STIM2: variants seen among roughly 807,000 people sequenced by gnomAD.
STIM2 encodes the protein stromal interaction molecule 2.
Under a neutral mutation model 85.8 loss-of-function variants are expected in STIM2, and 31 were observed. The ratio of observed to expected loss-of-function variants is 0.36; its 90% CI spans 0.27 to 0.49. The LOEUF (loss-of-function observed/expected upper bound fraction) is 0.49. Ranked by LOEUF, STIM2 falls within the 20% of genes least tolerant of loss-of-function variation. STIM2 has a pLI of 0.98. For missense variants in STIM2, 841 were observed against 927.6 expected (o/e 0.91, Z 1.21); for synonymous variants, 356 against 331.1 (o/e 1.08, Z -0.82).
At chr4:26,978,015 G>T (rs1727257143) in intron 3 of STIM2, among the ~76,000 whole-genome samples, 1 of 152,128 alleles carries the variant, frequency 6.6e-6, no homozygotes, top group Non-Finnish European at 1.5e-5. Context: ...TTGACAATTG[G>T]ATTGGCAAAG....
chr4:26,870,849 G>A (rs1035920864), intron 1 of STIM2, among the ~76,000 whole-genome samples: 3 of 151,808 alleles, frequency 2.0e-5, no homozygotes, highest in Non-Finnish European at 2.9e-5. Context: ...CAAAGATGGA[G>A]TTACTAATTT....
At chr4:27,008,314 G>T in intron 8 of STIM2, 114 bp from the exon 9 acceptor site, 1 of 574,916 alleles carries the variant, frequency 1.7e-6, no homozygotes, top group Non-Finnish European at 3.0e-6. Context: ...ATTCTCTACT[G>T]GTTTTATGAT....
intron 2 of STIM2, among the ~76,000 whole-genome samples, chr4:26,930,953 C>G (rs937406699): frequency 6.6e-6 from 1 of 152,082 alleles, no homozygotes; most frequent in African/African-American, 2.4e-5. Context: ...TCTTCTGGCT[C>G]TGGGTCTTTC....
chr4:27,009,099 A>G, intron 10 of STIM2, 97 bp downstream of exon 10: 1 of 1,084,356 alleles, frequency 9.2e-7, no homozygotes, highest in South Asian at 1.6e-5. Context: ...TCTGTGAGAA[A>G]AAATTGGGTT....
Position 26,991,405 on chromosome 4 carries a change from G to C in STIM2, c.398-3974G>C, listed in dbSNP as rs187132772. Among the ~76,000 whole-genome samples the C allele has an allele frequency of 3.3e-5, 5 of 152,188 alleles. No individual in the cohort carries two copies. The East Asian group carries it at 7.7e-4, about 24-fold the overall frequency. ...ATTTTATGGAAGTAGAGAGTAGAAT[G>C]GTGGTTACCAGAGGCTGGGAAGCGA... On this transcript the variant is annotated intron_variant, in intron 3 of 11. Transcript: ENST00000467087.
intron 3 of STIM2, among the ~76,000 whole-genome samples, chr4:26,982,190 C>T (rs554361290): frequency 4.9e-4 from 74 of 152,150 alleles, no homozygotes; most frequent in African/African-American, 1.6e-3. Context: ...ACATCTTGTC[C>T]GTGAAGATGC....
At chr4:26,897,870 A>T (rs1560199398) in intron 1 of STIM2, among the ~76,000 whole-genome samples, 1 of 152,028 alleles carries the variant, frequency 6.6e-6, no homozygotes, top group East Asian at 1.9e-4. Flanking sequence ...GGGTCAAGGG[A>T]TCTTTCTGCC....
chr4:26,939,178 C>T (rs1725507044), intron 2 of STIM2, among the ~76,000 whole-genome samples: 1 of 152,128 alleles, frequency 6.6e-6, no homozygotes, highest in Admixed American at 6.5e-5. Context: ...TGTCCTGCCC[C>T]TACATCTTGG....
chr4:26,903,527 T>A (rs1461217778), intron 1 of STIM2, among the ~76,000 whole-genome samples: 2 of 152,200 alleles, frequency 1.3e-5, no homozygotes, highest in Non-Finnish European at 2.9e-5. Flanking sequence ...TTTATTGAAG[T>A]ACCTGATACT....
chr4:26,862,637 T>A (rs928946714), intron 1 of STIM2, among the ~76,000 whole-genome samples: 10 of 152,340 alleles, frequency 6.6e-5, no homozygotes, highest in Non-Finnish European at 1.3e-4. Flanking sequence ...CATGTTTAAC[T>A]TTACCCTGAA....
chr4:26,998,424 A>G (rs893896592), intron 4 of STIM2, among the ~76,000 whole-genome samples: 3 of 152,100 alleles, frequency 2.0e-5, no homozygotes, highest in African/African-American at 7.2e-5. Context: ...ACTTTGTTCA[A>G]TTTTTAAACA....
rs73813218 is a variant in STIM2, at chr4:26,905,436, G to C, written c.152-14068G>C. ...GGGTGAGGGACAGTAATCTATGCAAGAGGTGTTGGTGGCTTAGTAAAGGGC... is the reference window on the plus strand; with the variant it reads ...GGGTGAGGGACAGTAATCTATGCAACAGGTGTTGGTGGCTTAGTAAAGGGC... On this transcript the variant is annotated intron_variant, in intron 1 of 11. Coordinates refer to ENST00000467087, the MANE Select transcript of STIM2 (RefSeq NM_020860.4). 3.9e-3 allele frequency among the ~76,000 whole-genome samples: 587 copies of C among 152,286 alleles called. 5 individuals carry two copies. Among genetic ancestry groups the C allele is most frequent in the African/African-American group, 0.013 (552 of 41,552 alleles).
chr4:26,938,727 G>T lies in STIM2; in HGVS notation c.283-18885G>T, dbSNP rs190071695. On this transcript the variant is annotated intron_variant, in intron 2 of 11. Transcript: ENST00000467087. ...AACCTCACATTTAATGCTGTCTCAC[G>T]TTATCTTCAGCAGTACTTTTTTGAG... 6.0e-4 allele frequency among the ~76,000 whole-genome samples: 91 copies of T among 152,208 alleles called. 1 individual carries two copies. The Middle Eastern group carries it at 0.024, about 40-fold the overall frequency.
At chr4:26,945,200 G>C (rs1054331662) in intron 2 of STIM2, among the ~76,000 whole-genome samples, 2 of 152,064 alleles carry the variant, frequency 1.3e-5, no homozygotes, top group African/African-American at 4.8e-5. Context: ...TGCAGTATTT[G>C]GTTTTCTGTT....
At chr4:26,960,573 G>A (rs931780829) in intron 3 of STIM2, among the ~76,000 whole-genome samples, 1 of 152,118 alleles carries the variant, frequency 6.6e-6, no homozygotes, top group African/African-American at 2.4e-5. Flanking sequence ...GATAAGTATT[G>A]GATGCTTAGT....
chr4:26,952,119 C>T (rs146704756), intron 2 of STIM2, among the ~76,000 whole-genome samples: 20 of 152,112 alleles, frequency 1.3e-4, no homozygotes, highest in African/African-American at 4.6e-4. Flanking sequence ...CACCGGGTCC[C>T]TCCCACAACA....
chr4:26,959,385 C>G (rs1329401202), intron 3 of STIM2, among the ~76,000 whole-genome samples: 3 of 152,158 alleles, frequency 2.0e-5, no homozygotes, highest in Non-Finnish European at 2.9e-5. Flanking sequence ...TGAAACCACT[C>G]TGGCCACCCT....
chr4:26,980,096 T>A (rs1348664615), intron 3 of STIM2, among the ~76,000 whole-genome samples: 2 of 152,148 alleles, frequency 1.3e-5, no homozygotes, highest in African/African-American at 2.4e-5. Flanking sequence ...AATGCAAGGA[T>A]CATAATTATC....
chr4:26,896,278 C>T (rs78323278), intron 1 of STIM2, among the ~76,000 whole-genome samples: 103 of 152,320 alleles, frequency 6.8e-4, no homozygotes, highest in African/African-American at 2.3e-3. Context: ...TCATGCCCAC[C>T]TGGGATAAAT....
Sources: allele counts gnomAD v4.1 joint callset (sites outside exome capture counted in the v4.1 genomes callset), GRCh38; gene constraint gnomAD v4.1.1; transcripts MANE v1.5; gene names NCBI Gene and HGNC (gene_info 2026-07-23, HGNC 2026-07-21).